Variants in TRIM24 observed in about 807,000 individuals in gnomAD.
The protein encoded by TRIM24 is transcription intermediary factor 1-alpha.
A neutral mutation model predicts 123.9 loss-of-function variants in TRIM24; 29 were observed. That is an observed-to-expected ratio of 0.23 (90% CI 0.17 to 0.32). TRIM24 has a LOEUF of 0.32. Ranked by LOEUF, TRIM24 falls within the 10% of genes least tolerant of loss-of-function variation. TRIM24 has a pLI of 1.00. For missense variants in TRIM24, 932 were observed against 1,295.3 expected, an observed-to-expected ratio of 0.72 and a Z score of 4.31; for synonymous variants, 456 against 461.1, an observed-to-expected ratio of 0.99 and a Z score of 0.14.
intron 3 of TRIM24, among the ~76,000 whole-genome samples, chr7:138,517,383 T>G (rs951314263): frequency 6.6e-6 from 1 of 151,952 alleles, no homozygotes; most frequent in Admixed American, 6.6e-5. Flanking sequence ...TTTTGTTTTG[T>G]TTTTTTAGAC....
chr7:138,473,036 T>C (rs1795307474), intron 1 of TRIM24, among the ~76,000 whole-genome samples: 1 of 152,116 alleles, frequency 6.6e-6, no homozygotes, highest in South Asian at 2.1e-4. Context: ...TCCCAACACT[T>C]TGGGAGGCTG....
chr7:138,549,524 G>A (rs575558051), intron 7 of TRIM24, among the ~76,000 whole-genome samples: 9 of 152,196 alleles, frequency 5.9e-5, no homozygotes, highest in East Asian at 1.9e-4. Flanking sequence ...GGATTATAGC[G>A]TGCTAGAAAC....
chr7:138,559,314 A>G (rs760118216), intron 9 of TRIM24, among the ~76,000 whole-genome samples: 103 of 152,082 alleles, frequency 6.8e-4, no homozygotes, highest in Non-Finnish European at 2.2e-4. Flanking sequence ...CTATGAGTCC[A>G]TTTTCTGACA....
intron 4 of TRIM24, among the ~76,000 whole-genome samples, chr7:138,522,027 C>T (rs1246508066): frequency 6.6e-6 from 1 of 151,708 alleles, no homozygotes; most frequent in Non-Finnish European, 1.5e-5. Flanking sequence ...CCTAGCTACT[C>T]GGGAAACTGA....
chr7:138,462,879 T>TA (rs1795037535), intron 1 of TRIM24, among the ~76,000 whole-genome samples: 4 of 150,148 alleles, frequency 2.7e-5, no homozygotes, highest in African/African-American at 9.9e-5. Context: ...TTTATTTATT[T>TA]TTTTTTTGAG....
intron 1 of TRIM24, among the ~76,000 whole-genome samples, chr7:138,478,780 A>C (rs1173146337): frequency 6.6e-6 from 1 of 152,216 alleles, no homozygotes; most frequent in Non-Finnish European, 1.5e-5. Flanking sequence ...GAAAGTACCT[A>C]GTTAGAGGCT....
rs1795197296 is a variant in TRIM24, at chr7:138,468,343, C to CACTT, written c.364+7432_364+7435dup. Among the ~76,000 whole-genome samples, 3 of 152,256 alleles carry CACTT rather than the reference C, an allele frequency of 2.0e-5. No homozygotes were observed. In the South Asian group the frequency reaches 6.2e-4, roughly 32 times the overall value. On this transcript the variant is annotated intron_variant, in intron 1 of 18. Coordinates refer to ENST00000343526, the MANE Select transcript of TRIM24 (RefSeq NM_015905.3). ...AATCTTGCATTCTTGAGATATACCT[C>CACTT]ACTTGGTTTTGCTACAGGTATTTTG...
chr7:138,587,485 T>C lies in TRIM24; in HGVS notation c.*2534T>C, dbSNP rs1172782030. On this transcript the variant is annotated 3_prime_UTR_variant, in exon 19 of 19. Coordinates refer to ENST00000343526, the MANE Select transcript of TRIM24 (RefSeq NM_015905.3). ...TCTCAGCTAAGTCATCCTTAAATTC[T>C]GTTCAAATAGAAATAAACCATAAAA... is the stretch of plus-strand genomic sequence containing the variant. 1.3e-5 allele frequency: 2 copies of C among 152,260 alleles called. No homozygotes were observed. The highest frequency in any genetic ancestry group is 6.5e-5 in the Admixed American group (1 of 15,292). The allele number at this position is 152,260 out of a possible 1,614,324, so 9.4% of individuals were successfully genotyped here. A position where few individuals can be genotyped will look rare whatever the true frequency, so the allele number is the denominator to read the frequency against.
In TRIM24 at chr7:138,460,532, G is replaced by A; in HGVS notation, c.-17G>A. On this transcript the variant is annotated 5_prime_UTR_variant, in exon 1 of 19. Coordinates refer to ENST00000343526, the MANE Select transcript of TRIM24 (RefSeq NM_015905.3). ...AGACCGCGCTCTCGCTTCCCCGGCG[G>A]CGGCAAGGGCAGGACAATGGAGGTG... The A allele has an allele frequency of 7.9e-7, 1 of 1,262,834 alleles. No homozygotes were observed. The highest frequency in any genetic ancestry group is 1.5e-5 in the African/African-American group (1 of 64,548). The allele number at this position is 1,262,834 out of a possible 1,614,324, so 78.2% of individuals were successfully genotyped here. A position where few individuals can be genotyped will look rare whatever the true frequency, so the allele number is the denominator to read the frequency against.
chr7:138,532,563 A>T (rs1377821631), intron 6 of TRIM24, among the ~76,000 whole-genome samples: 2 of 151,932 alleles, frequency 1.3e-5, no homozygotes, highest in Non-Finnish European at 2.9e-5. Context: ...TTCTGTTCCA[A>T]AGGTCTATAT....
intron 6 of TRIM24, among the ~76,000 whole-genome samples, chr7:138,530,077 G>T (rs1375398434): frequency 6.6e-6 from 1 of 151,960 alleles, no homozygotes; most frequent in Non-Finnish European, 1.5e-5. Context: ...GGAAAGCATG[G>T]TCATTCCTGT....
intron 10 of TRIM24, among the ~76,000 whole-genome samples, chr7:138,570,477 T>C (rs1331539439): frequency 1.3e-5 from 2 of 152,312 alleles, no homozygotes; most frequent in African/African-American, 4.8e-5. Context: ...CAGATAGGGA[T>C]AGAAGAAATG....
Position 138,460,761 on chromosome 7 carries a change from G to A in TRIM24, c.213G>A (p.Leu71=), listed in dbSNP as rs766298818. The change falls in exon 1 of 19, where the codon CTG becomes CTA. Residue 71 remains leucine, a synonymous_variant. Transcript: ENST00000343526. ...QNIQSRAPKL[L]PCLHSFCQRC... ...TCCAGAGCCGGGCGCCCAAGCTGCT[G>A]CCCTGCCTGCACTCTTTCTGCCAGC... The A allele has an allele frequency of 2.5e-6, 4 of 1,580,394 alleles. No individual in the cohort carries two copies. The Admixed American group carries it at 7.1e-5, about 28-fold the overall frequency.
chr7:138,516,308 T>A (rs567159149), intron 3 of TRIM24, among the ~76,000 whole-genome samples: 85 of 151,780 alleles, frequency 5.6e-4, no homozygotes, highest in Middle Eastern at 3.4e-3. Context: ...TCTCAAAAAA[T>A]AATAATAATA....
chr7:138,516,976 G>T (rs1323125217), intron 3 of TRIM24, among the ~76,000 whole-genome samples: 1 of 151,796 alleles, frequency 6.6e-6, no homozygotes, highest in African/African-American at 2.4e-5. Flanking sequence ...ATAGTTACAT[G>T]CCTGTAATCC....
intron 1 of TRIM24, among the ~76,000 whole-genome samples, chr7:138,481,542 G>A (rs904464712): frequency 1.3e-5 from 2 of 151,930 alleles, no homozygotes; most frequent in Non-Finnish European, 2.9e-5. Flanking sequence ...TGGGCTGGGC[G>A]CTGTAGCTCA....
intron 7 of TRIM24, among the ~76,000 whole-genome samples, chr7:138,539,687 G>GT (rs1038893804): frequency 2.6e-5 from 4 of 151,390 alleles, no homozygotes; most frequent in African/African-American, 7.3e-5. Flanking sequence ...AAGCCATACA[G>GT]TTTTTTTAAG....
intron 1 of TRIM24, among the ~76,000 whole-genome samples, chr7:138,471,836 C>T (rs577023531): frequency 2.0e-5 from 3 of 152,132 alleles, no homozygotes; most frequent in Non-Finnish European, 2.9e-5. Flanking sequence ...CCACCGCACC[C>T]GGCCTGGTAT....
chr7:138,534,651 GA>G (rs1796824884), intron 6 of TRIM24, among the ~76,000 whole-genome samples: 1 of 152,166 alleles, frequency 6.6e-6, no homozygotes. Flanking sequence ...GTCAATTTTG[GA>G]ATAAGTGTGA....
Sources: allele counts gnomAD v4.1 joint callset (sites outside exome capture counted in the v4.1 genomes callset), GRCh38; gene constraint gnomAD v4.1.1; transcripts MANE v1.5; gene names NCBI Gene and HGNC (gene_info 2026-07-23, HGNC 2026-07-21).